The following GRM3 variants were observed in gnomAD, a reference collection of about 807,000 sequenced individuals.
The protein encoded by GRM3 is glutamate metabotropic receptor 3.
A neutral mutation model predicts 70.5 loss-of-function variants in GRM3; 26 were observed. That is an observed-to-expected ratio of 0.37 (90% CI 0.27 to 0.51). GRM3 has a LOEUF of 0.51. Among genes scored for constraint, GRM3 ranks in the 20% least tolerant of loss-of-function variants. GRM3 has a pLI of 0.93. For missense variants in GRM3, 859 were observed against 1,123.8 expected (o/e 0.76, Z 3.37); for synonymous variants, 443 against 434.9 (o/e 1.02, Z -0.23).
chr7:86,793,113 T>C (rs946115398), intron 3 of GRM3, among the ~76,000 whole-genome samples: 1 of 151,308 alleles, frequency 6.6e-6, no homozygotes, highest in African/African-American at 2.4e-5. Context: ...CTTCTTCTTA[T>C]GTTTACAATT....
At chr7:86,742,175 C>T (rs146613480) in intron 1 of GRM3, among the ~76,000 whole-genome samples, 13 of 152,060 alleles carry the variant, frequency 8.5e-5, no homozygotes, top group African/African-American at 3.1e-4. Flanking sequence ...GTGCATGTGC[C>T]TCTCTATATG....
chr7:86,859,774 A>G (rs1202038763), intron 5 of GRM3, among the ~76,000 whole-genome samples: 2 of 152,222 alleles, frequency 1.3e-5, no homozygotes. Flanking sequence ...TTTAGCATTG[A>G]TTGAGGGTCC....
intron 1 of GRM3, among the ~76,000 whole-genome samples, chr7:86,681,620 T>C (rs1011303143): frequency 3.3e-5 from 5 of 152,126 alleles, no homozygotes; most frequent in Non-Finnish European, 7.4e-5. Context: ...CTGGCAATCA[T>C]GAGCAGATGG....
At chr7:86,650,775 A>G (rs1793583642) in intron 1 of GRM3, among the ~76,000 whole-genome samples, 1 of 152,236 alleles carries the variant, frequency 6.6e-6, no homozygotes, top group Non-Finnish European at 1.5e-5. Context: ...ACAAAAAGCC[A>G]GGATAGAGGT....
At chr7:86,699,738 G>T (rs2116087762) in intron 1 of GRM3, among the ~76,000 whole-genome samples, 1 of 152,022 alleles carries the variant, frequency 6.6e-6, no homozygotes, top group South Asian at 2.1e-4. Context: ...TTAACAAAAT[G>T]GTTTTGAAGT....
In GRM3 at chr7:86,765,261, T is replaced by G; in HGVS notation, c.116T>G (p.Leu39Arg). 6.2e-7 allele frequency: 1 copy of G among 1,613,878 alleles called. No homozygotes were observed. The highest frequency in any genetic ancestry group is 8.5e-7 in the Non-Finnish European group (1 of 1,179,852). The change falls in exon 2 of 6, where the codon CTT (leucine) becomes CGT (arginine). Residue 39 changes from leucine to arginine, a missense_variant. Coordinates refer to ENST00000361669, the MANE Select transcript of GRM3 (RefSeq NM_000840.3). Reference sequence around the variant, plus strand: ...AGAGAGATTAAAATAGAAGGTGACCTTGTTTTAGGGGGCCTGTTTCCTATT... The same window carrying G: ...AGAGAGATTAAAATAGAAGGTGACCGTGTTTTAGGGGGCCTGTTTCCTATT... Reference protein sequence around the residue: ...LRREIKIEGDLVLGGLFPINE... With the variant: ...LRREIKIEGDRVLGGLFPINE...
chr7:86,785,685 ATTTT>A (rs749456155), intron 2 of GRM3, among the ~76,000 whole-genome samples: 10,307 of 65,406 alleles, frequency 0.16, 1,077 homozygotes, highest in South Asian at 0.21. Flanking sequence ...AATAGAATTG[ATTTT>A]TTTTTTTTTT....
At chr7:86,795,253 TTTTTATTTTA>T (rs67329784) in intron 3 of GRM3, among the ~76,000 whole-genome samples, 3,908 of 123,990 alleles carry the variant, frequency 0.032, 113 homozygotes, top group African/African-American at 0.081. Flanking sequence ...TCTAGGTTAG[TTTTTATTTTA>T]TTTTATTTTA....
intron 1 of GRM3, among the ~76,000 whole-genome samples, chr7:86,665,416 T>C (rs1402531791): frequency 1.3e-5 from 2 of 152,094 alleles, no homozygotes; most frequent in Admixed American, 6.6e-5. Context: ...TAGGTGCTTA[T>C]TAAATATAAA....
At chr7:86,790,904 T>C (rs1797396088) in intron 3 of GRM3, among the ~76,000 whole-genome samples, 1 of 152,082 alleles carries the variant, frequency 6.6e-6, no homozygotes, top group African/African-American at 2.4e-5. Context: ...CCTTGTACCC[T>C]GCTCTACCTT....
intron 3 of GRM3, among the ~76,000 whole-genome samples, chr7:86,830,513 T>A (rs954841468): frequency 3.9e-5 from 6 of 152,190 alleles, no homozygotes; most frequent in Non-Finnish European, 5.9e-5. Flanking sequence ...AAAATTTTTT[T>A]AAAAATGTCC....
chr7:86,737,575 G>T (rs957871294), intron 1 of GRM3, among the ~76,000 whole-genome samples: 2 of 152,008 alleles, frequency 1.3e-5, no homozygotes, highest in African/African-American at 4.8e-5. Context: ...ATTTGTTACG[G>T]TTATTATTAA....
At chr7:86,745,761 C>A (rs543380459) in intron 1 of GRM3, among the ~76,000 whole-genome samples, 1 of 152,192 alleles carries the variant, frequency 6.6e-6, no homozygotes, top group East Asian at 1.9e-4. Context: ...AGGGCCACAT[C>A]TCCAGAGTTT....
chr7:86,658,203 T>C (rs375935048), intron 1 of GRM3, among the ~76,000 whole-genome samples: 2 of 152,238 alleles, frequency 1.3e-5, no homozygotes, highest in East Asian at 3.8e-4. Context: ...TCCACATGGC[T>C]ACAGCCAAAA....
chr7:86,713,192 A>T (rs1317946511), intron 1 of GRM3, among the ~76,000 whole-genome samples: 2 of 152,036 alleles, frequency 1.3e-5, no homozygotes, highest in Admixed American at 1.3e-4. Flanking sequence ...GTGAGATGAC[A>T]TCTCATTTTG....
chr7:86,843,464 A>T (rs1386034869), intron 4 of GRM3, among the ~76,000 whole-genome samples: 1 of 152,200 alleles, frequency 6.6e-6, no homozygotes, highest in Non-Finnish European at 1.5e-5. Context: ...GTCAGAAAAA[A>T]ATTTCAAAGG....
intron 1 of GRM3, among the ~76,000 whole-genome samples, chr7:86,657,763 G>A (rs1793783641): frequency 6.6e-6 from 1 of 152,072 alleles, no homozygotes. Context: ...CCTAAACTAG[G>A]GCAGTGGCAA....
chr7:86,646,380 TG>T (rs1443500690), intron 1 of GRM3, among the ~76,000 whole-genome samples: 1 of 152,198 alleles, frequency 6.6e-6, no homozygotes, highest in African/African-American at 2.4e-5. Flanking sequence ...TCAATCTTAT[TG>T]GGTTTTGATC....
intron 3 of GRM3, among the ~76,000 whole-genome samples, chr7:86,811,941 C>G (rs1173268241): frequency 6.6e-6 from 1 of 151,036 alleles, no homozygotes; most frequent in African/African-American, 2.4e-5. Context: ...TTATAATTAT[C>G]TGTTGATATA....
Sources: allele counts gnomAD v4.1 joint callset (sites outside exome capture counted in the v4.1 genomes callset), GRCh38; gene constraint gnomAD v4.1.1; transcripts MANE v1.5; gene names NCBI Gene and HGNC (gene_info 2026-07-23, HGNC 2026-07-21).